PDE4D: variants seen among roughly 807,000 people sequenced by gnomAD.
PDE4D encodes the protein phosphodiesterase 4D.
Under a neutral mutation model 87.4 loss-of-function variants are expected in PDE4D, and 24 were observed. That is an observed-to-expected ratio of 0.27 (90% CI 0.20 to 0.39). The LOEUF is 0.39. Among genes scored for constraint, PDE4D ranks in the 10% least tolerant of loss-of-function variants. The pLI is 1.00. For synonymous variants in PDE4D, 384 were observed against 383.2 expected, an observed-to-expected ratio of 1.00 and a Z score of -0.02; for missense variants, 714 against 1,041.0, an observed-to-expected ratio of 0.69 and a Z score of 4.32.
upstream of PDE4D, among the ~76,000 whole-genome samples, chr5:59,898,412 T>C (rs1002229988): frequency 2.6e-5 from 4 of 152,092 alleles, no homozygotes; most frequent in African/African-American, 9.7e-5. Context: ...TTTGGGAAGA[T>C]GGGGGGAAGA....
chr5:59,535,168 C>T lies in PDE4D; in HGVS notation c.456-319200G>A, dbSNP rs554942453. On this transcript the variant is annotated intron_variant, in intron 1 of 14. Coordinates refer to ENST00000340635, the MANE Select transcript of PDE4D (RefSeq NM_001104631.2). ...GTGAAAAGTGATATCCCTGGGAGTC[C>T]GAGCAAGTAGGGATGCATTTCTTAA... 5.3e-5 allele frequency among the ~76,000 whole-genome samples: 8 copies of T among 151,850 alleles called. No individual in the cohort carries two copies. In the East Asian group the frequency reaches 5.8e-4, roughly 11 times the overall value.
intron 1 of PDE4D, among the ~76,000 whole-genome samples, chr5:59,822,045 C>T (rs1017227990): frequency 6.6e-6 from 1 of 152,000 alleles, no homozygotes; most frequent in African/African-American, 2.4e-5. Flanking sequence ...AAATGTTTCC[C>T]ACAAATTGTA....
In PDE4D at chr5:60,413,775, T is replaced by C. The variant is rs115444617; in HGVS notation, c.-90+74167A>G. On this transcript the variant is annotated intron_variant, in intron 1 of 16. Transcript: ENST00000502484. The stretch of plus-strand genomic sequence containing the variant: ...TCAATCTGGTGAAAGTATCATTGAC[T>C]TACATTGGGTTGTTTCAGCCCTGCA... Among the ~76,000 whole-genome samples the C allele has an allele frequency of 2.7e-3, 412 of 151,784 alleles. 6 individuals carry two copies. The highest frequency in any genetic ancestry group is 9.6e-3 in the African/African-American group (398 of 41,356).
rs113608952 is a variant in PDE4D at position 59,427,906 on chromosome 5, G to C, written c.456-211938C>G. Among the ~76,000 whole-genome samples the C allele has an allele frequency of 8.5e-3, 1,276 of 149,608 alleles. 7 individuals are homozygous for C. The highest frequency in any genetic ancestry group is 0.014 in the Non-Finnish European group (917 of 67,434). On this transcript the variant is annotated intron_variant, in intron 1 of 14. Coordinates refer to ENST00000340635, the MANE Select transcript of PDE4D (RefSeq NM_001104631.2). ...AAAGAAAATTATATTTCTTACAAAA[G>C]AAAAAGTGGGACAGTACAATTTACA...
chr5:60,024,877 T>C (rs567653294), intron 2 of PDE4D, among the ~76,000 whole-genome samples: 2 of 144,766 alleles, frequency 1.4e-5, no homozygotes, highest in South Asian at 4.6e-4. Context: ...GAGCAATGCT[T>C]CAAACGCACA....
At chr5:60,089,088 T>C (rs956623258) in intron 2 of PDE4D, among the ~76,000 whole-genome samples, 18 of 151,956 alleles carry the variant, frequency 1.2e-4, no homozygotes, top group Admixed American at 1.1e-3. Flanking sequence ...GAGAAGGCAA[T>C]AGTAGGAGAC....
intron 5 of PDE4D, among the ~76,000 whole-genome samples, chr5:59,049,583 A>G (rs1427602448): frequency 6.6e-6 from 1 of 152,216 alleles, no homozygotes; most frequent in Non-Finnish European, 1.5e-5. Flanking sequence ...GTAAAATTTT[A>G]AAAGAATTCA....
intron 1 of PDE4D, among the ~76,000 whole-genome samples, chr5:59,637,452 G>A (rs1427746324): frequency 1.3e-5 from 2 of 152,112 alleles, no homozygotes; most frequent in African/African-American, 4.8e-5. Flanking sequence ...GCACGTGTAT[G>A]TTTATTGCAG....
chr5:59,518,088 C>A (rs890067539), intron 1 of PDE4D, among the ~76,000 whole-genome samples: 4 of 152,004 alleles, frequency 2.6e-5, no homozygotes, highest in African/African-American at 9.7e-5. Context: ...CTCAAGCATT[C>A]CAATTGGATG....
intron 2 of PDE4D, among the ~76,000 whole-genome samples, chr5:60,172,265 TACACACACAC>T (rs58938460): frequency 5.7e-5 from 8 of 140,962 alleles, no homozygotes; most frequent in South Asian, 2.3e-4. Flanking sequence ...AGTACTTCAA[TACACACACAC>T]ACACACACAC....
chr5:59,905,213 T>C (rs1237453347), intron 3 of PDE4D, among the ~76,000 whole-genome samples: 1 of 152,134 alleles, frequency 6.6e-6, no homozygotes, highest in East Asian at 1.9e-4. Context: ...AAACAGCATA[T>C]TTTCTTCATG....
chr5:59,270,850 C>T (rs1008074431), intron 1 of PDE4D, among the ~76,000 whole-genome samples: 25 of 152,100 alleles, frequency 1.6e-4, no homozygotes, highest in African/African-American at 5.3e-4. Context: ...ACTTGGGTTA[C>T]CCCAGCCTAT....
In PDE4D at chr5:59,784,061, A is replaced by G. The variant is rs555933347; in HGVS notation, c.455+109107T>C. Reference sequence around the variant, plus strand: ...GTGACAGAGTGAGACAATCTCAAAAATAAAAAAATAAAAATAAAACCAGCC... The same window carrying G: ...GTGACAGAGTGAGACAATCTCAAAAGTAAAAAAATAAAAATAAAACCAGCC... On this transcript the variant is annotated intron_variant, in intron 1 of 14. Coordinates refer to ENST00000340635, the MANE Select transcript of PDE4D (RefSeq NM_001104631.2). Among the ~76,000 whole-genome samples the G allele has an allele frequency of 2.3e-3, 344 of 152,210 alleles. 1 individual carries two copies. The highest frequency in any genetic ancestry group is 3.5e-3 in the Admixed American group (53 of 15,284).
chr5:60,238,964 AT>A (rs1371799879), intron 1 of PDE4D, among the ~76,000 whole-genome samples: 3 of 152,160 alleles, frequency 2.0e-5, no homozygotes, highest in Admixed American at 2.0e-4. Flanking sequence ...CAGTAGGATA[AT>A]AAATAACTCT....
intron 3 of PDE4D, among the ~76,000 whole-genome samples, chr5:59,985,528 G>A (rs67978369): frequency 0.27 from 40,703 of 151,892 alleles, 5,944 homozygotes; most frequent in Admixed American, 0.35. Context: ...TATTCAATTC[G>A]CAAATTGTTC....
chr5:60,318,267 T>G (rs986100540), intron 1 of PDE4D, among the ~76,000 whole-genome samples: 1 of 152,252 alleles, frequency 6.6e-6, no homozygotes, highest in Admixed American at 6.5e-5. Context: ...TTGATCTTTG[T>G]TGGTTTAAAG....
chr5:59,435,016 C>T (rs1379152449), intron 1 of PDE4D, among the ~76,000 whole-genome samples: 3 of 152,074 alleles, frequency 2.0e-5, no homozygotes, highest in Admixed American at 6.6e-5. Context: ...TACCCAAGGT[C>T]ACATAGAGTG....
chr5:59,714,423 G>C (rs764982336), intron 1 of PDE4D, among the ~76,000 whole-genome samples: 14 of 152,178 alleles, frequency 9.2e-5, no homozygotes, highest in Non-Finnish European at 1.8e-4. Flanking sequence ...TGCCTGGCCT[G>C]GGGGGACACC....
intron 1 of PDE4D, among the ~76,000 whole-genome samples, chr5:59,817,740 A>ACCCC (rs1356310097): frequency 7.9e-6 from 1 of 127,210 alleles, no homozygotes; most frequent in South Asian, 2.6e-4. Context: ...GCACACACCC[A>ACCCC]CACCCCCCCC....
Sources: gnomAD v4.1 joint callset for allele counts (sites outside exome capture counted in the v4.1 genomes callset) on GRCh38, gnomAD v4.1.1 for gene constraint, MANE v1.5 for transcripts, NCBI Gene and HGNC (gene_info 2026-07-23, HGNC 2026-07-21) for gene names.